The following ELF2 variants were observed in gnomAD, a reference collection of about 807,000 sequenced individuals.
ELF2 encodes E74 like ETS transcription factor 2, also known as ETS-related transcription factor Elf-2.
In ELF2, 11 loss-of-function variants were observed where a neutral mutation model predicts 54.8. That is an observed-to-expected ratio of 0.20 (90% CI 0.13 to 0.33). The LOEUF (loss-of-function observed/expected upper bound fraction) is 0.33. ELF2 is among the 10% of genes least tolerant of loss of function. The pLI is 1.00. For synonymous variants in ELF2, 203 were observed against 245.1 expected, an observed-to-expected ratio of 0.83 and a Z score of 1.61; for missense variants, 513 against 703.0, an observed-to-expected ratio of 0.73 and a Z score of 3.06.
intron 1 of ELF2, chr4:139,155,116 C>T (rs1740396815): frequency 6.6e-6 from 1 of 152,202 alleles, no homozygotes; most frequent in African/African-American, 2.4e-5. Flanking sequence ...AGCTGTATTA[C>T]ACTGCTAAAG....
At chr4:139,113,080 A>C (rs770608694) in intron 4 of ELF2, among the ~76,000 whole-genome samples, 1 of 152,176 alleles carries the variant, frequency 6.6e-6, no homozygotes, top group Non-Finnish European at 1.5e-5. Flanking sequence ...CTTTTCATCT[A>C]GGCAAGGTAG....
At chr4:139,093,141 A>G (rs1424186504) in intron 4 of ELF2, among the ~76,000 whole-genome samples, 4 of 151,540 alleles carry the variant, frequency 2.6e-5, no homozygotes, top group African/African-American at 9.7e-5. Context: ...AATTTTTTGT[A>G]TTTTTAGTAG....
intron 4 of ELF2, among the ~76,000 whole-genome samples, chr4:139,111,409 C>T (rs72949639): frequency 2.1e-4 from 31 of 151,118 alleles, no homozygotes; most frequent in African/African-American, 7.1e-4. Flanking sequence ...GGAGCAGTGG[C>T]GCCATCACAG....
intron 2 of ELF2, among the ~76,000 whole-genome samples, chr4:139,138,806 C>T (rs1738431966): frequency 6.6e-6 from 1 of 152,160 alleles, no homozygotes; most frequent in African/African-American, 2.4e-5. Flanking sequence ...TTTTATCATA[C>T]TTTCCTCAAT....
intron 7 of ELF2, among the ~76,000 whole-genome samples, chr4:139,064,656 G>T (rs965175548): frequency 4.6e-5 from 7 of 152,134 alleles, no homozygotes; most frequent in Non-Finnish European, 8.8e-5. Context: ...GTGGCGGGCG[G>T]ATCACCTGAG....
At chr4:139,140,164 ACTC>A (rs1738566027) in intron 1 of ELF2, among the ~76,000 whole-genome samples, 1 of 151,502 alleles carries the variant, frequency 6.6e-6, no homozygotes, top group Admixed American at 6.6e-5. Flanking sequence ...CTGATCTGGA[ACTC>A]CTGGCCTCAG....
intron 4 of ELF2, among the ~76,000 whole-genome samples, chr4:139,091,441 A>G (rs1352455974): frequency 6.6e-6 from 1 of 152,210 alleles, no homozygotes; most frequent in Non-Finnish European, 1.5e-5. Context: ...AAACCTAAAG[A>G]AACTAGAAGG....
chr4:139,110,162 AAAG>A (rs1734821167), intron 4 of ELF2, among the ~76,000 whole-genome samples: 1 of 152,194 alleles, frequency 6.6e-6, no homozygotes, highest in Non-Finnish European at 1.5e-5. Flanking sequence ...TATTGGTGTA[AAAG>A]AAGAAAAAAC....
chr4:139,071,294 T>C (rs998646210), intron 6 of ELF2, among the ~76,000 whole-genome samples: 1 of 151,918 alleles, frequency 6.6e-6, no homozygotes, highest in Non-Finnish European at 1.5e-5. Context: ...AGTATGACTA[T>C]ATATGAATAT....
intron 1 of ELF2, among the ~76,000 whole-genome samples, chr4:139,152,530 T>A (rs1418145696): frequency 6.6e-6 from 1 of 152,016 alleles, no homozygotes; most frequent in Admixed American, 6.6e-5. Context: ...GGGGTCTCCC[T>A]ATGTTGCCCA....
Position 139,080,884 on chromosome 4 carries a change from T to G in ELF2, c.239-7317A>C, listed in dbSNP as rs180747902. On this transcript the variant is annotated intron_variant, in intron 4 of 9. Coordinates refer to ENST00000686138, the MANE Select transcript of ELF2 (RefSeq NM_001331036.3). ...ATTTTCAAAGACTGGATAAAAGAAG[T>G]TAACCTACCAATTACATAACGAACT... is the stretch of plus-strand genomic sequence containing the variant. Among the ~76,000 whole-genome samples the G allele has an allele frequency of 9.2e-5, 14 of 151,602 alleles. No individual in the cohort carries two copies. In the East Asian group the frequency reaches 1.9e-3, roughly 21 times the overall value.
At chr4:139,151,032 A>C (rs4863632) in intron 1 of ELF2, among the ~76,000 whole-genome samples, 1 of 102,510 alleles carries the variant, frequency 9.8e-6, no homozygotes, top group African/African-American at 5.1e-5. Context: ...TCAAAAAAAA[A>C]AAAGAAAGAA....
At chr4:139,089,572 C>T (rs1164283144) in intron 4 of ELF2, among the ~76,000 whole-genome samples, 1 of 152,150 alleles carries the variant, frequency 6.6e-6, no homozygotes, top group Non-Finnish European at 1.5e-5. Context: ...CCCTGAATGA[C>T]ATACAGTATT....
chr4:139,161,285 A>C (rs1221811825), intron 1 of ELF2, among the ~76,000 whole-genome samples: 1 of 152,226 alleles, frequency 6.6e-6, no homozygotes, highest in Admixed American at 6.5e-5. Flanking sequence ...AAATAAAAAT[A>C]GGAACATCTT....
chr4:139,072,985 G>A (rs1227552093), intron 5 of ELF2, among the ~76,000 whole-genome samples: 5 of 151,964 alleles, frequency 3.3e-5, no homozygotes, highest in Non-Finnish European at 7.4e-5. Flanking sequence ...GACTAAGAGG[G>A]ACCACAAAAA....
chr4:139,084,465 T>G, intron 4 of ELF2: 1 of 688,834 alleles, frequency 1.5e-6, no homozygotes, highest in Non-Finnish European at 1.9e-6. Flanking sequence ...GCGGCGGCTG[T>G]GGCTGTGGCG....
chr4:139,060,592 C>T lies in ELF2; in HGVS notation c.889G>A (p.Val297Met). 2 of 1,614,002 alleles carry T rather than the reference C, an allele frequency of 1.2e-6. No individual in the cohort carries two copies. Among genetic ancestry groups the T allele is most frequent in the Non-Finnish European group, 1.7e-6 (2 of 1,180,008 alleles). ...YQFKDMPKNI[V>M]VIDDDKSETC... ...TCACTTTTGTCATCATCTATGACCA[C>T]TATGTTTTTCGGCATATCCTTGAAC... The change falls in exon 9 of 10, where the codon GTG becomes ATG. Residue 297 changes from valine to methionine, a missense_variant. Coordinates refer to ENST00000686138, the MANE Select transcript of ELF2 (RefSeq NM_001331036.3).
intron 4 of ELF2, chr4:139,084,296 GAC>G: frequency 1.3e-6 from 2 of 1,598,898 alleles, no homozygotes; most frequent in South Asian, 1.1e-5. Context: ...CCGTGCGACC[GAC>G]ACACACTCAC....
chr4:139,164,361 C>G (rs1192151165), intron 1 of ELF2, among the ~76,000 whole-genome samples: 2 of 152,142 alleles, frequency 1.3e-5, no homozygotes, highest in African/African-American at 4.8e-5. Context: ...TTTGGTCAGG[C>G]ACGGTGGCTC....
Sources: gnomAD v4.1 joint callset for allele counts (sites outside exome capture counted in the v4.1 genomes callset) on GRCh38, gnomAD v4.1.1 for gene constraint, MANE v1.5 for transcripts, NCBI Gene and HGNC (gene_info 2026-07-23, HGNC 2026-07-21) for gene names.